Variants in CACNA2D3 observed in about 807,000 individuals in gnomAD.
CACNA2D3 encodes calcium voltage-gated channel auxiliary subunit alpha2delta 3, also known as voltage-dependent calcium channel subunit alpha-2/delta-3.
Under a neutral mutation model 160.6 loss-of-function variants are expected in CACNA2D3, and 60 were observed. That is an observed-to-expected ratio of 0.37 (90% CI 0.30 to 0.46). CACNA2D3 has a LOEUF of 0.46. Among genes scored for constraint, CACNA2D3 ranks in the 20% least tolerant of loss-of-function variants. The pLI is 1.00. For synonymous variants in CACNA2D3, 558 were observed against 492.9 expected, an observed-to-expected ratio of 1.13 and a Z score of -1.75; for missense variants, 1,205 against 1,365.0, an observed-to-expected ratio of 0.88 and a Z score of 1.85.
At chr3:54,853,053 A>G (rs1194142655) in intron 17 of CACNA2D3, among the ~76,000 whole-genome samples, 2 of 152,014 alleles carry the variant, frequency 1.3e-5, no homozygotes, top group Non-Finnish European at 2.9e-5. Context: ...CCAAATTCTC[A>G]TGCTCAACTC....
chr3:55,056,812 T>G (rs1175473132), intron 35 of CACNA2D3, among the ~76,000 whole-genome samples: 1 of 152,164 alleles, frequency 6.6e-6, no homozygotes, highest in Non-Finnish European at 1.5e-5. Context: ...GAGGGAGGAA[T>G]GGGGAAATGA....
Position 54,511,641 on chromosome 3 carries a change from G to A in CACNA2D3, c.544+7987G>A, listed in dbSNP as rs374313093. On this transcript the variant is annotated intron_variant, in intron 5 of 37. Coordinates refer to ENST00000474759, the MANE Select transcript of CACNA2D3 (RefSeq NM_018398.3). ...GGAATGGGAGTCCAGATGGAGTCTCGCAGTTGGATAGGAGCTGCACCTAGG... is the reference window on the plus strand; with the variant it reads ...GGAATGGGAGTCCAGATGGAGTCTCACAGTTGGATAGGAGCTGCACCTAGG... Among the ~76,000 whole-genome samples, 4 of 152,014 alleles carry A rather than the reference G, an allele frequency of 2.6e-5. No homozygotes were observed. The East Asian group carries it at 5.8e-4, about 22-fold the overall frequency.
chr3:54,232,408 A>G (rs1200107646), intron 2 of CACNA2D3, among the ~76,000 whole-genome samples: 4 of 152,146 alleles, frequency 2.6e-5, no homozygotes, highest in Admixed American at 6.5e-5. Flanking sequence ...TCTCATGTCA[A>G]TACCACTTAT....
chr3:54,575,096 T>C lies in CACNA2D3; in HGVS notation c.888+4992T>C, dbSNP rs1216988816. ...CAAATTACATAAGATGCTTTTGTAA[T>C]GCAAAAGATCCCTAGGATGGCTTGT... On this transcript the variant is annotated intron_variant, in intron 8 of 37. Coordinates refer to ENST00000474759, the MANE Select transcript of CACNA2D3 (RefSeq NM_018398.3). 2.0e-5 allele frequency among the ~76,000 whole-genome samples: 3 copies of C among 152,238 alleles called. No homozygotes were observed. The East Asian group carries it at 5.8e-4, about 29-fold the overall frequency.
chr3:54,230,207 A>G (rs536276099), intron 2 of CACNA2D3, among the ~76,000 whole-genome samples: 3 of 152,182 alleles, frequency 2.0e-5, no homozygotes, highest in South Asian at 4.1e-4. Context: ...AAAAGCAGAC[A>G]TGAATTTAAA....
rs563374647 is a variant in CACNA2D3 at position 54,944,000 on chromosome 3, A to G, written c.2450-24450A>G. 3.3e-5 allele frequency among the ~76,000 whole-genome samples: 5 copies of G among 152,262 alleles called. No homozygotes were observed. The South Asian group carries it at 1.0e-3, about 32-fold the overall frequency. ...TCTTCATTCCATGCCTTCGTTTCCT[A>G]ACCATTTGACTGGCCATAGAATACC... On this transcript the variant is annotated intron_variant, in intron 27 of 37. Coordinates refer to ENST00000474759, the MANE Select transcript of CACNA2D3 (RefSeq NM_018398.3).
chr3:54,345,117 C>T (rs570533527), intron 3 of CACNA2D3, among the ~76,000 whole-genome samples: 2 of 152,218 alleles, frequency 1.3e-5, no homozygotes, highest in Non-Finnish European at 2.9e-5. Context: ...AAATGCACAA[C>T]CGACAGCCCT....
intron 13 of CACNA2D3, among the ~76,000 whole-genome samples, chr3:54,791,834 C>G (rs933323848): frequency 2.6e-5 from 4 of 152,176 alleles, no homozygotes; most frequent in African/African-American, 9.6e-5. Flanking sequence ...ACCCTTTACT[C>G]TGATGGATAG....
chr3:54,792,865 C>T (rs151246364), intron 13 of CACNA2D3, among the ~76,000 whole-genome samples: 8 of 152,182 alleles, frequency 5.3e-5, no homozygotes, highest in Admixed American at 4.6e-4. Context: ...CTTCCAACTG[C>T]AAAATCTGAG....
chr3:54,778,697 G>C (rs1381098873), intron 13 of CACNA2D3, among the ~76,000 whole-genome samples: 1 of 152,222 alleles, frequency 6.6e-6, no homozygotes, highest in African/African-American at 2.4e-5. Flanking sequence ...CAGGCACGTA[G>C]TAAGTATATG....
chr3:54,440,785 C>T (rs1021610806), intron 4 of CACNA2D3, among the ~76,000 whole-genome samples: 26 of 152,062 alleles, frequency 1.7e-4, no homozygotes, highest in Non-Finnish European at 3.1e-4. Context: ...TGGTTTCCAG[C>T]TTCATCCATG....
At chr3:54,439,186 A>G (rs886819056) in intron 4 of CACNA2D3, among the ~76,000 whole-genome samples, 1 of 152,192 alleles carries the variant, frequency 6.6e-6, no homozygotes, top group Non-Finnish European at 1.5e-5. Flanking sequence ...TATCACAGCT[A>G]GCAGCCTAGA....
intron 4 of CACNA2D3, among the ~76,000 whole-genome samples, chr3:54,469,007 G>C (rs991336858): frequency 1.3e-5 from 2 of 152,208 alleles, no homozygotes; most frequent in African/African-American, 4.8e-5. Flanking sequence ...AGCTTCAGCA[G>C]ACTTAAATGT....
intron 13 of CACNA2D3, among the ~76,000 whole-genome samples, chr3:54,784,501 AAAG>A (rs1483506749): frequency 6.6e-6 from 1 of 152,124 alleles, no homozygotes; most frequent in Non-Finnish European, 1.5e-5. Context: ...TTGTCTTATT[AAAG>A]AAGAGATGAT....
rs527638942 is a variant in CACNA2D3, at chr3:54,207,146, T to C, written c.204+83552T>C. On this transcript the variant is annotated intron_variant, in intron 2 of 37. Transcript: ENST00000474759. Reference sequence around the variant, plus strand: ...GAGGAGGCTGGGAAATGTAGTCTTCTTGGGTGCTCAGATAGAATGGGCCTT... The same window carrying C: ...GAGGAGGCTGGGAAATGTAGTCTTCCTGGGTGCTCAGATAGAATGGGCCTT... Among the ~76,000 whole-genome samples, 3 of 151,512 alleles carry C rather than the reference T, an allele frequency of 2.0e-5. 1 individual carries two copies. In the Admixed American group the frequency reaches 2.0e-4, roughly 10 times the overall value.
intron 14 of CACNA2D3, among the ~76,000 whole-genome samples, chr3:54,829,197 GT>G (rs1703814348): frequency 6.6e-6 from 1 of 152,166 alleles, no homozygotes; most frequent in African/African-American, 2.4e-5. Context: ...CCTGCCCCAC[GT>G]TTCAGTGGAT....
At chr3:54,729,082 T>C (rs934056319) in intron 11 of CACNA2D3, among the ~76,000 whole-genome samples, 1 of 152,168 alleles carries the variant, frequency 6.6e-6, no homozygotes, top group African/African-American at 2.4e-5. Flanking sequence ...CTAGTAAGGC[T>C]GCCACTAATT....
chr3:54,279,507 C>A (rs868611738), intron 2 of CACNA2D3, among the ~76,000 whole-genome samples: 1 of 152,216 alleles, frequency 6.6e-6, no homozygotes, highest in Non-Finnish European at 1.5e-5. Flanking sequence ...CTTGGCTACA[C>A]TGAGACTGCA....
intron 11 of CACNA2D3, among the ~76,000 whole-genome samples, chr3:54,712,308 G>C (rs1042815835): frequency 2.0e-4 from 31 of 152,214 alleles, no homozygotes; most frequent in Non-Finnish European, 8.8e-5. Flanking sequence ...CAAGGTGTCA[G>C]CTGAACTGTA....
Sources: gnomAD v4.1 joint callset for allele counts (sites outside exome capture counted in the v4.1 genomes callset) on GRCh38, gnomAD v4.1.1 for gene constraint, MANE v1.5 for transcripts, NCBI Gene and HGNC (gene_info 2026-07-23, HGNC 2026-07-21) for gene names.